GRM7: variants seen among roughly 807,000 people sequenced by gnomAD.
GRM7 encodes the protein metabotropic glutamate receptor 7.
A neutral mutation model predicts 84.5 loss-of-function variants in GRM7; 35 were observed. The observed-to-expected ratio is 0.41, with a 90% confidence interval of 0.32 to 0.55. GRM7 has a LOEUF of 0.55. GRM7 is among the 20% of genes least tolerant of loss of function. The pLI is 0.19. For synonymous variants in GRM7, 487 were observed against 455.1 expected (o/e 1.07, Z -0.89); for missense variants, 1,003 against 1,194.6 (o/e 0.84, Z 2.36).
At chr3:7,629,155 A>C (rs905571663) in intron 8 of GRM7, among the ~76,000 whole-genome samples, 2 of 152,174 alleles carry the variant, frequency 1.3e-5, no homozygotes, top group Non-Finnish European at 2.9e-5. Flanking sequence ...TCATCATTTA[A>C]TATTGGGTTT....
intron 1 of GRM7, among the ~76,000 whole-genome samples, chr3:6,981,365 A>G (rs192708808): frequency 1.1e-3 from 165 of 152,326 alleles, no homozygotes; most frequent in African/African-American, 3.9e-3. Context: ...CAGCAGTTGA[A>G]GGTGAACAAA....
intron 4 of GRM7, among the ~76,000 whole-genome samples, chr3:7,309,855 T>C (rs545058370): frequency 2.6e-5 from 4 of 152,244 alleles, no homozygotes; most frequent in Admixed American, 2.0e-4. Flanking sequence ...GCCCAGTGTT[T>C]ATGGGAAATC....
At chr3:7,114,763 C>G (rs1692974566) in intron 1 of GRM7, among the ~76,000 whole-genome samples, 1 of 152,124 alleles carries the variant, frequency 6.6e-6, no homozygotes, top group South Asian at 2.1e-4. Flanking sequence ...TATAACATAG[C>G]AGGTCTGGGG....
intron 1 of GRM7, among the ~76,000 whole-genome samples, chr3:6,932,362 T>C (rs1400099349): frequency 6.6e-6 from 1 of 152,194 alleles, no homozygotes; most frequent in Non-Finnish European, 1.5e-5. Context: ...AGATGGAAGC[T>C]TTTTGTCCAT....
intron 8 of GRM7, among the ~76,000 whole-genome samples, chr3:7,603,003 C>T (rs1696394834): frequency 6.6e-6 from 1 of 152,074 alleles, no homozygotes; most frequent in Non-Finnish European, 1.5e-5. Flanking sequence ...TTTATAAACT[C>T]ATTTTATTAG....
rs138905417 is a variant in GRM7 at position 7,401,473 on chromosome 3, G to A, written c.1034-13550G>A. ...CCCATTGCTCTCTCTAAAATACAGA[G>A]CATGAAGTACTCCTACTAATAGCAC... On this transcript the variant is annotated intron_variant, in intron 4 of 9. Transcript: ENST00000357716. Among the ~76,000 whole-genome samples the A allele has an allele frequency of 9.3e-3, 1,422 of 152,090 alleles. 14 individuals carry two copies. Among genetic ancestry groups the A allele is most frequent in the Middle Eastern group, 0.038 (11 of 292 alleles).
chr3:7,410,924 G>A (rs1450151005), intron 4 of GRM7, among the ~76,000 whole-genome samples: 1 of 152,070 alleles, frequency 6.6e-6, no homozygotes, highest in African/African-American at 2.4e-5. Flanking sequence ...CGGTTCTGGG[G>A]GCCAGAAATC....
At chr3:7,484,798 C>A (rs905925041) in intron 7 of GRM7, among the ~76,000 whole-genome samples, 5 of 152,132 alleles carry the variant, frequency 3.3e-5, no homozygotes, top group African/African-American at 1.2e-4. Context: ...ATGTGCATTC[C>A]CTTCTTTTTG....
intron 9 of GRM7, among the ~76,000 whole-genome samples, chr3:7,733,113 G>T (rs1206006283): frequency 1.3e-5 from 2 of 152,118 alleles, no homozygotes; most frequent in East Asian, 1.9e-4. Flanking sequence ...TATTTTATCA[G>T]CAAGGTCTTT....
chr3:7,664,388 A>T (rs1699592325), intron 8 of GRM7, among the ~76,000 whole-genome samples: 1 of 152,148 alleles, frequency 6.6e-6, no homozygotes, highest in South Asian at 2.1e-4. Flanking sequence ...GTATTTCATG[A>T]TTCAGATCAA....
At chr3:6,898,437 G>A (rs1469856619) in intron 1 of GRM7, among the ~76,000 whole-genome samples, 2 of 150,790 alleles carry the variant, frequency 1.3e-5, no homozygotes, top group Admixed American at 1.3e-4. Context: ...CAGAGCACGT[G>A]GTAGAAACAG....
chr3:6,914,498 G>C (rs549198241), intron 1 of GRM7, among the ~76,000 whole-genome samples: 5 of 151,974 alleles, frequency 3.3e-5, no homozygotes, highest in Admixed American at 2.6e-4. Context: ...TGCCTCCCGG[G>C]TTCAAGTGAT....
chr3:7,403,081 CT>C (rs1293905424), intron 4 of GRM7: 1 of 395,390 alleles, frequency 2.5e-6, no homozygotes, highest in Non-Finnish European at 5.1e-6. Context: ...CAACATGGTT[CT>C]TCTATAGTTA....
chr3:7,304,728 A>T (rs73020274), intron 3 of GRM7, among the ~76,000 whole-genome samples: 71,648 of 151,624 alleles, frequency 0.47, 18,572 homozygotes, highest in Non-Finnish European at 0.6. Flanking sequence ...ATATTTTCAA[A>T]AAGAGCTGTT....
rs1327498653 is a variant in GRM7, at chr3:7,486,560, CA to C, written c.1515+24839del. Among the ~76,000 whole-genome samples the C allele has an allele frequency of 6.6e-6, 1 of 152,108 alleles. No homozygotes were observed. The highest frequency in any genetic ancestry group is 1.5e-5 in the Non-Finnish European group (1 of 68,028). Reference sequence around the variant, plus strand: ...TTTGCCAGAAAAGTGGGGTGCTATACAGCAAGTCTGCCTCACAAGTTTGTTC... The same window carrying C: ...TTTGCCAGAAAAGTGGGGTGCTATACGCAAGTCTGCCTCACAAGTTTGTTC... On this transcript the variant is annotated intron_variant, in intron 7 of 9. Transcript: ENST00000357716. The surrounding 1 kb of genome is among the most constrained non-coding windows in gnomAD (Gnocchi z 5.5).
chr3:7,055,148 A>G (rs183316549), intron 1 of GRM7, among the ~76,000 whole-genome samples: 287 of 151,934 alleles, frequency 1.9e-3, no homozygotes, highest in Middle Eastern at 0.01. Flanking sequence ...ATTTATTTCT[A>G]GCGTTCTAGT....
At chr3:6,946,960 G>T (rs1181424715) in intron 1 of GRM7, among the ~76,000 whole-genome samples, 1 of 152,234 alleles carries the variant, frequency 6.6e-6, no homozygotes, top group East Asian at 1.9e-4. Context: ...GGGCTGAGAG[G>T]ATGGGGTTTT....
At chr3:7,046,327 TAA>T (rs1696806968) in intron 1 of GRM7, among the ~76,000 whole-genome samples, 1 of 152,096 alleles carries the variant, frequency 6.6e-6, no homozygotes, top group Non-Finnish European at 1.5e-5. Flanking sequence ...TTGGCAAGGT[TAA>T]AGAGTCTGCT....
At chr3:7,022,120 A>C (rs990388278) in intron 1 of GRM7, among the ~76,000 whole-genome samples, 1 of 152,072 alleles carries the variant, frequency 6.6e-6, no homozygotes, top group Non-Finnish European at 1.5e-5. Context: ...TGAGCCTAGG[A>C]GTTTGAGACC....
Sources: gnomAD v4.1 joint callset for allele counts (sites outside exome capture counted in the v4.1 genomes callset) on GRCh38, gnomAD v4.1.1 for gene constraint, Gnocchi (gnomAD v3.1) non-coding constraint, MANE v1.5 for transcripts, NCBI Gene and HGNC (gene_info 2026-07-23, HGNC 2026-07-21) for gene names.